ZSWIM5: variants seen among roughly 807,000 people sequenced by gnomAD.
ZSWIM5 encodes the protein zinc finger SWIM domain-containing protein 5.
A neutral mutation model predicts 119.6 loss-of-function variants in ZSWIM5; 55 were observed. That is an observed-to-expected ratio of 0.46 (90% CI 0.37 to 0.58). The LOEUF (loss-of-function observed/expected upper bound fraction) is 0.58. ZSWIM5 is among the 20% of genes least tolerant of loss of function. The pLI, the probability that ZSWIM5 is intolerant of heterozygous loss-of-function variation, is 0.00. For synonymous variants in ZSWIM5, 537 were observed against 606.9 expected, an observed-to-expected ratio of 0.88 and a Z score of 1.69; for missense variants, 1,193 against 1,512.8, an observed-to-expected ratio of 0.79 and a Z score of 3.51.
At chr1:45,020,989 T>C (rs1644884269) in intron 11 of ZSWIM5, among the ~76,000 whole-genome samples, 1 of 152,040 alleles carries the variant, frequency 6.6e-6, no homozygotes, top group African/African-American at 2.4e-5. Flanking sequence ...GTGAATCCTA[T>C]TCTCTCCACC....
At chr1:45,178,532 T>C (rs550992326) in intron 1 of ZSWIM5, among the ~76,000 whole-genome samples, 1 of 152,320 alleles carries the variant, frequency 6.6e-6, no homozygotes, top group East Asian at 1.9e-4. Flanking sequence ...TTTTGGAGTT[T>C]ACCACTTTCC....
At chr1:45,126,446 C>A (rs995605628) in intron 1 of ZSWIM5, among the ~76,000 whole-genome samples, 2 of 151,994 alleles carry the variant, frequency 1.3e-5, no homozygotes, top group African/African-American at 2.4e-5. Context: ...AGAAAAAAAA[C>A]CAATTCCTTA....
intron 1 of ZSWIM5, among the ~76,000 whole-genome samples, chr1:45,108,726 C>T (rs932752399): frequency 6.6e-6 from 1 of 151,932 alleles, no homozygotes. Flanking sequence ...AATGTTCTGC[C>T]TATAATTCCA....
chr1:45,085,640 A>G (rs1314423779), intron 2 of ZSWIM5, among the ~76,000 whole-genome samples: 2 of 151,056 alleles, frequency 1.3e-5, no homozygotes, highest in African/African-American at 4.9e-5. Flanking sequence ...GCCCCAAATC[A>G]TCACTCTCAA....
chr1:45,165,598 GAATCA>G (rs1645896491), intron 1 of ZSWIM5, among the ~76,000 whole-genome samples: 2 of 151,340 alleles, frequency 1.3e-5, no homozygotes, highest in Non-Finnish European at 2.9e-5. Context: ...AAAGAGGGAA[GAATCA>G]AATAGATGCA....
At position 45,094,753 on chromosome 1, in the gene ZSWIM5, C is replaced by A. The variant is rs115092775; in HGVS notation, c.596-6516G>T. On this transcript the variant is annotated intron_variant, in intron 1 of 13. Transcript: ENST00000359600. The stretch of plus-strand genomic sequence containing the variant: ...TGGTGCACGCCTATAGTCCCATAGC[C>A]ACAGTCCCAGATACTTGGGGGGTTG... Among the ~76,000 whole-genome samples the A allele has an allele frequency of 2.5e-3, 380 of 151,978 alleles. 3 individuals carry two copies. Among genetic ancestry groups the A allele is most frequent in the African/African-American group, 8.8e-3 (364 of 41,464 alleles).
chr1:45,039,219 C>A, intron 7 of ZSWIM5, 146 bp from the exon 8 acceptor site: 1 of 1,041,322 alleles, frequency 9.6e-7, no homozygotes, highest in Non-Finnish European at 1.4e-6. Flanking sequence ...GTTGATACGG[C>A]TGGCCACAAA....
At chr1:45,043,532 T>A in intron 5 of ZSWIM5, 137 bp from the exon 6 acceptor site, 1 of 836,182 alleles carries the variant, frequency 1.2e-6, no homozygotes, top group Middle Eastern at 2.4e-4. Flanking sequence ...TGAGAACAGG[T>A]TATAAGGAAG....
chr1:45,050,991 A>G, intron 5 of ZSWIM5, 83 bp downstream of exon 5: 1 of 1,357,774 alleles, frequency 7.4e-7, no homozygotes, highest in South Asian at 1.5e-5. Flanking sequence ...CTAAAAGGCT[A>G]TCCAGCTACC....
At chr1:45,060,004 T>C (rs1645143898) in intron 3 of ZSWIM5, 95 bp downstream of exon 3, 1 of 1,427,504 alleles carries the variant, frequency 7.0e-7, no homozygotes, top group African/African-American at 1.4e-5. Flanking sequence ...TCAAGTGAGC[T>C]AGGTATAATG....
intron 1 of ZSWIM5, among the ~76,000 whole-genome samples, chr1:45,128,876 T>C (rs927084491): frequency 2.0e-5 from 3 of 152,212 alleles, no homozygotes; most frequent in Admixed American, 6.5e-5. Flanking sequence ...AAATGTCATA[T>C]ACTTGGAATC....
chr1:45,183,072 C>T (rs1220824665), intron 1 of ZSWIM5, among the ~76,000 whole-genome samples: 17 of 152,052 alleles, frequency 1.1e-4, no homozygotes, highest in Non-Finnish European at 2.5e-4. Context: ...TGCAATCAAA[C>T]TAGAACTCAG....
chr1:45,104,366 G>C (rs78884706), intron 1 of ZSWIM5, among the ~76,000 whole-genome samples: 1 of 152,330 alleles, frequency 6.6e-6, no homozygotes, highest in African/African-American at 2.4e-5. Context: ...TTAGGAATCA[G>C]AATGCTTGAG....
In ZSWIM5 at chr1:45,098,550, A is replaced by T. The variant is rs138808394; in HGVS notation, c.596-10313T>A. 3.3e-3 allele frequency among the ~76,000 whole-genome samples: 503 copies of T among 152,322 alleles called. 4 individuals are homozygous for T. Among genetic ancestry groups the T allele is most frequent in the African/African-American group, 0.011 (463 of 41,574 alleles). Reference sequence around the variant, plus strand: ...ACTCAGCTCCGCACCAAGCAGACCTAATAGACATCTACAGAACTCTCCACC... The same window carrying T: ...ACTCAGCTCCGCACCAAGCAGACCTTATAGACATCTACAGAACTCTCCACC... On this transcript the variant is annotated intron_variant, in intron 1 of 13. Coordinates refer to ENST00000359600, the MANE Select transcript of ZSWIM5 (RefSeq NM_020883.2).
At chr1:45,034,515 C>T in intron 10 of ZSWIM5, 46 bp from the exon 11 acceptor site, 1 of 1,546,884 alleles carries the variant, frequency 6.5e-7, no homozygotes, top group South Asian at 1.2e-5. Flanking sequence ...AGACCCTGGG[C>T]TTCCGAGCCA....
At chr1:45,021,196 C>T (rs1395962299) in intron 11 of ZSWIM5, among the ~76,000 whole-genome samples, 2 of 152,140 alleles carry the variant, frequency 1.3e-5, no homozygotes, top group African/African-American at 2.4e-5. Flanking sequence ...CCACCACGCC[C>T]GGTTAATTTT....
chr1:45,134,608 A>G (rs1247334794), intron 1 of ZSWIM5, among the ~76,000 whole-genome samples: 4 of 152,238 alleles, frequency 2.6e-5, no homozygotes, highest in African/African-American at 9.6e-5. Context: ...AAAGCAGCAG[A>G]GGGTAATCCC....
chr1:45,196,230 C>T (rs1646124928), intron 1 of ZSWIM5, among the ~76,000 whole-genome samples: 1 of 151,292 alleles, frequency 6.6e-6, no homozygotes, highest in Non-Finnish European at 1.5e-5. Context: ...ATAAAATTAC[C>T]TGGGAGCTTT....
At chr1:45,171,569 T>C (rs550992157) in intron 1 of ZSWIM5, among the ~76,000 whole-genome samples, 25 of 152,196 alleles carry the variant, frequency 1.6e-4, no homozygotes, top group Non-Finnish European at 3.4e-4. Flanking sequence ...CTTTCAGCTA[T>C]AGTTCAGCCT....
Sources: allele counts gnomAD v4.1 joint callset (sites outside exome capture counted in the v4.1 genomes callset), GRCh38; gene constraint gnomAD v4.1.1; transcripts MANE v1.5; gene names NCBI Gene and HGNC (gene_info 2026-07-23, HGNC 2026-07-21).